Variants in FNBP1 observed in about 807,000 individuals in gnomAD.
FNBP1 encodes the protein formin-binding protein 1.
FNBP1 carries 26 observed loss-of-function variants against 90.6 expected under a neutral mutation model. The observed-to-expected ratio is 0.29, with a 90% confidence interval of 0.21 to 0.40. FNBP1 has a LOEUF of 0.40. Among genes scored for constraint, FNBP1 ranks in the 10% least tolerant of loss-of-function variants. The probability of loss-of-function intolerance (pLI) is 1.00; values close to 1 mark genes in which losing one functional copy is unlikely to be tolerated. For missense variants in FNBP1, 635 were observed against 768.0 expected (o/e 0.83, Z 2.05); for synonymous variants, 260 against 265.2 (o/e 0.98, Z 0.19).
chr9:129,909,067 A>T, intron 11 of FNBP1, 68 bp from the exon 12 acceptor site: 1 of 1,057,662 alleles, frequency 9.5e-7, no homozygotes, highest in Non-Finnish European at 1.4e-6. Flanking sequence ...GCTGAAAGCA[A>T]AGCCTGCAGC....
chr9:130,022,389 T>C (rs1374262002), intron 1 of FNBP1, among the ~76,000 whole-genome samples: 1 of 151,904 alleles, frequency 6.6e-6, no homozygotes, highest in Non-Finnish European at 1.5e-5. Flanking sequence ...GTATTTTTAG[T>C]AGAGATAGGG....
chr9:129,896,883 G>A (rs377111816), intron 15 of FNBP1, among the ~76,000 whole-genome samples: 4 of 152,036 alleles, frequency 2.6e-5, no homozygotes, highest in East Asian at 3.9e-4. Flanking sequence ...CACCCGCCTC[G>A]GCCTCCCAAA....
the FNBP1 span, among the ~76,000 whole-genome samples, chr9:130,049,675 CG>C: frequency 2.0e-5 from 3 of 148,738 alleles, no homozygotes; most frequent in African/African-American, 7.4e-5. Flanking sequence ...CACTCCAGCC[CG>C]GGAAACAAAG....
At chr9:129,981,495 A>G (rs540650095) in intron 2 of FNBP1, among the ~76,000 whole-genome samples, 23 of 152,168 alleles carry the variant, frequency 1.5e-4, no homozygotes, top group African/African-American at 5.3e-4. Context: ...TGTTACTTTT[A>G]TTTCTTCTAC....
Position 129,900,827 on chromosome 9 carries a change from C to T in FNBP1, c.1429-280G>A, listed in dbSNP as rs2036783798. Among the ~76,000 whole-genome samples, 1 of 152,216 alleles carries T rather than the reference C, an allele frequency of 6.6e-6. No homozygotes were observed. Among genetic ancestry groups the T allele is most frequent in the East Asian group, 1.9e-4 (1 of 5,196 alleles). The stretch of plus-strand genomic sequence containing the variant: ...AACAAACTCATATTTATGTGGTTGC[C>T]CACGATGGGGCAGAAAGCACACTGG... On this transcript the variant is annotated intron_variant, in intron 13 of 16. Transcript: ENST00000446176. The surrounding 1 kb of genome is among the most constrained non-coding windows in gnomAD (Gnocchi z 4.1).
chr9:130,041,060 C>A lies in FNBP1; in HGVS notation c.24+1892G>T, dbSNP rs1264527295. Among the ~76,000 whole-genome samples, 1 of 146,262 alleles carries A rather than the reference C, an allele frequency of 6.8e-6. No homozygotes were observed. The highest frequency in any genetic ancestry group is 1.5e-5 in the Non-Finnish European group (1 of 67,238). ...AGATATTCCCCAAGCTGTTCTTGAA[C>A]TCCTGGGCCCAAAAGATCCTCCCGA... is the stretch of plus-strand genomic sequence containing the variant. On this transcript the variant is annotated intron_variant, in intron 1 of 16. Coordinates refer to ENST00000446176, the MANE Select transcript of FNBP1 (RefSeq NM_015033.3). This position sits in a 1 kb window ranked among gnomAD's most constrained non-coding sequence, Gnocchi z 4.3.
chr9:130,005,510 T>G (rs1271908816), intron 1 of FNBP1, among the ~76,000 whole-genome samples: 1 of 151,672 alleles, frequency 6.6e-6, no homozygotes, highest in Admixed American at 6.6e-5. Flanking sequence ...CCCGGCTAAT[T>G]TTTTGTATTT....
chr9:130,007,145 G>A (rs1275466508), intron 1 of FNBP1, among the ~76,000 whole-genome samples: 1 of 149,484 alleles, frequency 6.7e-6, no homozygotes, highest in Non-Finnish European at 1.5e-5. Flanking sequence ...AGGAGGCTGA[G>A]GTGGAAGGAT....
chr9:129,915,318 T>C (rs987235667), intron 11 of FNBP1, among the ~76,000 whole-genome samples: 5 of 152,132 alleles, frequency 3.3e-5, no homozygotes, highest in African/African-American at 1.2e-4. Context: ...AATTTACTTT[T>C]ATTCAAAATG....
At chr9:130,053,498 G>T in the FNBP1 span, 1 of 181,610 alleles carries the variant, frequency 5.5e-6, no homozygotes, top group Non-Finnish European at 1.2e-5. Context: ...CGGCGAGCCG[G>T]GAATTTTTAG....
intron 6 of FNBP1, among the ~76,000 whole-genome samples, chr9:129,945,766 T>C (rs1205709333): frequency 6.6e-6 from 1 of 152,204 alleles, no homozygotes; most frequent in Non-Finnish European, 1.5e-5. Flanking sequence ...ATCAAACTGA[T>C]CATCATTTAA....
Position 129,888,103 on chromosome 9 carries a change from TAAA to T in FNBP1, c.*2433_*2435del, listed in dbSNP as rs1167763929. On this transcript the variant is annotated 3_prime_UTR_variant, in exon 17 of 17. Coordinates refer to ENST00000446176, the MANE Select transcript of FNBP1 (RefSeq NM_015033.3). ...TTTGGACGCAGGTGGTGGAAAAGTT[TAAA>T]AAACAGGCGGAGGAGTGACGGGGGG... The T allele has an allele frequency of 2.1e-5, 5 of 232,846 alleles. No homozygotes were observed. The East Asian group carries it at 3.0e-4, about 14-fold the overall frequency. 14.4% of individuals were successfully genotyped at this position (232,846 alleles called of 1,614,324 possible). A position where few individuals can be genotyped will look rare whatever the true frequency, so the allele number is the denominator to read the frequency against.
intron 10 of FNBP1, among the ~76,000 whole-genome samples, chr9:129,922,946 C>A (rs528567107): frequency 1.3e-5 from 2 of 151,902 alleles, no homozygotes; most frequent in Non-Finnish European, 2.9e-5. Context: ...GTCTTGAACT[C>A]CTGAGCTCAA....
chr9:130,036,395 T>C (rs868750092), intron 1 of FNBP1, among the ~76,000 whole-genome samples: 2 of 152,232 alleles, frequency 1.3e-5, no homozygotes, highest in African/African-American at 2.4e-5. Flanking sequence ...ATAGTAAGTA[T>C]AGACACTTAT....
chr9:130,019,769 T>C (rs1316201308), intron 1 of FNBP1, among the ~76,000 whole-genome samples: 1 of 152,202 alleles, frequency 6.6e-6, no homozygotes, highest in Non-Finnish European at 1.5e-5. Flanking sequence ...TTTATTTTCA[T>C]TTTTTTGAAA....
intron 11 of FNBP1, chr9:129,910,106 G>A (rs2038964712): frequency 4.4e-6 from 2 of 456,144 alleles, no homozygotes; most frequent in Non-Finnish European, 8.8e-6. Flanking sequence ...TTCAGGCTTT[G>A]ACATATGCTT....
chr9:129,930,776 T>G (rs2042616915), intron 6 of FNBP1, among the ~76,000 whole-genome samples: 1 of 152,174 alleles, frequency 6.6e-6, no homozygotes, highest in Non-Finnish European at 1.5e-5. Flanking sequence ...AGCATTGTGG[T>G]GTTATTTTGA....
chr9:129,898,057 T>C lies in FNBP1; in HGVS notation c.1687+1908A>G, dbSNP rs150396672. Among the ~76,000 whole-genome samples the C allele has an allele frequency of 6.8e-3, 1,038 of 151,930 alleles. 7 individuals are homozygous for C. Among genetic ancestry groups the C allele is most frequent in the East Asian group, 0.019 (99 of 5,114 alleles). ...GTTGGGCAGGCTGGTCTAGAACTCCTGACCTCAGGTGATCTGCCTGCCTCA... is the reference window on the plus strand; with the variant it reads ...GTTGGGCAGGCTGGTCTAGAACTCCCGACCTCAGGTGATCTGCCTGCCTCA... On this transcript the variant is annotated intron_variant, in intron 15 of 16. Transcript: ENST00000446176.
intron 1 of FNBP1, among the ~76,000 whole-genome samples, chr9:130,003,923 C>CAAAAAACAA: frequency 9.1e-6 from 1 of 110,314 alleles, no homozygotes; most frequent in African/African-American, 3.5e-5. Context: ...GACTCCGCCT[C>CAAAAAACAA]AAAAAAAAAA....
Sources: gnomAD v4.1 joint callset for allele counts (sites outside exome capture counted in the v4.1 genomes callset) on GRCh38, gnomAD v4.1.1 for gene constraint, Gnocchi (gnomAD v3.1) non-coding constraint, MANE v1.5 for transcripts, NCBI Gene and HGNC (gene_info 2026-07-23, HGNC 2026-07-21) for gene names.